Variants in KANK4 observed in about 807,000 individuals in gnomAD.
KANK4 encodes KN motif and ankyrin repeat domains 4.
KANK4 carries 50 observed loss-of-function variants against 80.8 expected under a neutral mutation model. That is an observed-to-expected ratio of 0.62 (90% CI 0.49 to 0.78). The LOEUF (loss-of-function observed/expected upper bound fraction) is 0.78, where lower values mean the gene tolerates loss of function less well. Among genes scored for constraint, KANK4 ranks in the 30% least tolerant of loss-of-function variants. KANK4 has a pLI of 0.00. For missense variants in KANK4, 1,196 were observed against 1,240.1 expected, an observed-to-expected ratio of 0.96 and a Z score of 0.53; for synonymous variants, 465 against 506.9, an observed-to-expected ratio of 0.92 and a Z score of 1.11.
At chr1:62,313,605 A>T (rs1473281681) in intron 1 of KANK4, among the ~76,000 whole-genome samples, 1 of 152,164 alleles carries the variant, frequency 6.6e-6, no homozygotes, top group East Asian at 1.9e-4. Context: ...TTAAAAATTC[A>T]AACATTACAC....
intron 1 of KANK4, among the ~76,000 whole-genome samples, chr1:62,305,413 A>G (rs892167053): frequency 7.2e-5 from 11 of 152,074 alleles, no homozygotes; most frequent in Admixed American, 6.6e-5. Context: ...GGTTCAAGCA[A>G]TTCTCCTGCT....
chr1:62,270,879 C>G (rs1293407885), intron 4 of KANK4, among the ~76,000 whole-genome samples: 1 of 152,172 alleles, frequency 6.6e-6, no homozygotes, highest in Non-Finnish European at 1.5e-5. Flanking sequence ...TATCTGTGAG[C>G]TAAAGGCAGA....
intron 1 of KANK4, among the ~76,000 whole-genome samples, chr1:62,305,977 C>T (rs1478045866): frequency 6.7e-6 from 1 of 150,282 alleles, no homozygotes; most frequent in Admixed American, 6.6e-5. Context: ...TTTCCCATTA[C>T]AGACTCTCTC....
At chr1:62,284,158 C>A (rs528773027) in intron 1 of KANK4, among the ~76,000 whole-genome samples, 1 of 152,172 alleles carries the variant, frequency 6.6e-6, no homozygotes, top group Admixed American at 6.5e-5. Flanking sequence ...ATGGTCCTAG[C>A]AACAGACATC....
intron 7 of KANK4, among the ~76,000 whole-genome samples, chr1:62,254,413 T>C (rs958844157): frequency 5.3e-5 from 8 of 151,284 alleles, no homozygotes; most frequent in Non-Finnish European, 1.2e-4. Flanking sequence ...GGCTAATTTT[T>C]GTATTTTTAG....
intron 1 of KANK4, among the ~76,000 whole-genome samples, chr1:62,313,454 C>G (rs969709341): frequency 2.6e-5 from 4 of 152,150 alleles, no homozygotes; most frequent in African/African-American, 9.7e-5. Flanking sequence ...CTCAGGCTCA[C>G]GGGGATAATA....
At chr1:62,289,257 T>C (rs904696453) in intron 1 of KANK4, among the ~76,000 whole-genome samples, 4 of 152,196 alleles carry the variant, frequency 2.6e-5, no homozygotes, top group Admixed American at 6.5e-5. Flanking sequence ...GTTACTTCTA[T>C]TGTCCAAAGT....
chr1:62,238,976 T>G (rs550936723), intron 9 of KANK4, among the ~76,000 whole-genome samples: 45 of 152,270 alleles, frequency 3.0e-4, no homozygotes, highest in African/African-American at 1.0e-3. Flanking sequence ...AAAATAACTC[T>G]TGCTGTTCCA....
intron 9 of KANK4, 64 bp downstream of exon 9, chr1:62,247,408 G>A: frequency 6.9e-7 from 1 of 1,459,200 alleles, no homozygotes. Flanking sequence ...CCAAAGTGCT[G>A]GGGTTACAGG....
intron 1 of KANK4, among the ~76,000 whole-genome samples, chr1:62,307,479 CAA>C (rs3039730): frequency 2.7e-5 from 3 of 113,186 alleles, no homozygotes; most frequent in Non-Finnish European, 5.2e-5. Context: ...GAGACTCTGC[CAA>C]AAAAAAAAAA....
chr1:62,259,308 G>A (rs940582801), intron 7 of KANK4, among the ~76,000 whole-genome samples: 5 of 151,552 alleles, frequency 3.3e-5, no homozygotes, highest in African/African-American at 7.3e-5. Flanking sequence ...TCCAGGTCTC[G>A]CTCTGTCACT....
intron 1 of KANK4, among the ~76,000 whole-genome samples, chr1:62,288,643 C>T (rs1340937282): frequency 6.6e-6 from 1 of 152,030 alleles, no homozygotes; most frequent in Non-Finnish European, 1.5e-5. Flanking sequence ...ATTGACTCTA[C>T]AAAGCAGATG....
In KANK4 at chr1:62,278,326, TTCCTTCCTTC is replaced by T. The variant is rs1672359925; in HGVS notation, c.16+3213_16+3222del. Among the ~76,000 whole-genome samples, 37 of 39,068 alleles carry T rather than the reference TTCCTTCCTTC, an allele frequency of 9.5e-4. 7 individuals carry two copies. Among genetic ancestry groups the T allele is most frequent in the Middle Eastern group, 0.023 (2 of 86 alleles). 25.6% of individuals were successfully genotyped at this position (39,068 alleles called of 152,430 possible). On this transcript the variant is annotated intron_variant, in intron 2 of 9. Transcript: ENST00000371153. ...TCCTGGGGCACATTTTCTTTCTTCC[TTCCTTCCTTC>T]CTTCCTTCCTTCCTTCCTTCCTTCC...
intron 1 of KANK4, among the ~76,000 whole-genome samples, chr1:62,294,073 TTTACA>T (rs1644338170): frequency 6.6e-6 from 1 of 152,248 alleles, no homozygotes; most frequent in Non-Finnish European, 1.5e-5. Context: ...ACTCTATTAA[TTTACA>T]TTACTTATAA....
chr1:62,317,445 C>T (rs891138545), intron 1 of KANK4, among the ~76,000 whole-genome samples: 1 of 152,212 alleles, frequency 6.6e-6, no homozygotes, highest in African/African-American at 2.4e-5. Flanking sequence ...TCCTTCTCCC[C>T]ACACTATGAT....
intron 4 of KANK4, among the ~76,000 whole-genome samples, chr1:62,270,367 AT>A (rs1215114927): frequency 3.4e-5 from 5 of 147,770 alleles, no homozygotes; most frequent in African/African-American, 1.0e-4. Flanking sequence ...CCAGTTCATC[AT>A]TTTTTTTCTT....
rs760516175 is a variant in KANK4, at chr1:62,268,514, GA to G, written c.2013-10del. 3.7e-6 allele frequency: 6 copies of G among 1,609,570 alleles called. No homozygotes were observed. The highest frequency in any genetic ancestry group is 1.7e-4 in the Middle Eastern group (1 of 6,058). On this transcript the variant is annotated splice_polypyrimidine_tract_variant and intron_variant, in intron 4 of 9. Coordinates refer to ENST00000371153, the MANE Select transcript of KANK4 (RefSeq NM_181712.5). ...TTGAGGTGGTCTCATACCTGGGGTA[GA>G]AAACAAAGGTCACTCGTCCTGTCTT...
At chr1:62,290,638 A>C (rs2149160101) in intron 1 of KANK4, among the ~76,000 whole-genome samples, 1 of 152,244 alleles carries the variant, frequency 6.6e-6, no homozygotes, top group South Asian at 2.1e-4. Flanking sequence ...TTTCTTTCTC[A>C]CCCCATTTTT....
In KANK4 at chr1:62,274,624, C is replaced by T; in HGVS notation, c.480G>A (p.Leu160=). 1 of 1,614,180 alleles carries T rather than the reference C, an allele frequency of 6.2e-7. No individual in the cohort carries two copies. The highest frequency in any genetic ancestry group is 8.5e-7 in the Non-Finnish European group (1 of 1,180,024). The part of the protein sequence containing the change: ...LTFGSGRPQL[L]RASSMPATLL... ...GCGTGGCAGGCATGCTGGATGCTCT[C>T]AAGAGCTGGGGCCGTCCACTCCCAA... Residue 160 remains leucine (L), a synonymous_variant, in exon 3 of 10, where the codon TTG becomes TTA. Coordinates refer to ENST00000371153, the MANE Select transcript of KANK4 (RefSeq NM_181712.5).
Sources: allele counts gnomAD v4.1 joint callset (sites outside exome capture counted in the v4.1 genomes callset), GRCh38; gene constraint gnomAD v4.1.1; transcripts MANE v1.5; gene names NCBI Gene and HGNC (gene_info 2026-07-23, HGNC 2026-07-21).